The following PER3 variants were observed in gnomAD, a reference collection of about 807,000 sequenced individuals.
PER3 encodes the protein period circadian regulator 3.
In PER3, 107 loss-of-function variants were observed where a neutral mutation model predicts 127.2. That is an observed-to-expected ratio of 0.84 (90% CI 0.72 to 0.99). PER3 has a LOEUF of 0.99. PER3 is among the 50% of genes least tolerant of loss of function. The probability of loss-of-function intolerance (pLI) is 0.00; values close to 1 mark genes in which losing one functional copy is unlikely to be tolerated. For missense variants in PER3, 1,560 were observed against 1,525.8 expected (o/e 1.02, Z -0.37); for synonymous variants, 618 against 585.8 (o/e 1.05, Z -0.79).
chr1:7,828,404 A>T (rs1193414373), intron 18 of PER3, among the ~76,000 whole-genome samples: 1 of 152,192 alleles, frequency 6.6e-6, no homozygotes, highest in Non-Finnish European at 1.5e-5. Context: ...CTAAAAAGCC[A>T]TTCTCAGGTT....
At chr1:7,806,352 G>C (rs1330968040) in intron 10 of PER3, among the ~76,000 whole-genome samples, 6 of 152,084 alleles carry the variant, frequency 3.9e-5, no homozygotes, top group African/African-American at 1.4e-4. Flanking sequence ...TGAAAGTGGA[G>C]ACTGCAGCCA....
At chr1:7,805,302 G>A (rs1278387866) in intron 10 of PER3, among the ~76,000 whole-genome samples, 2 of 152,062 alleles carry the variant, frequency 1.3e-5, no homozygotes, top group African/African-American at 2.4e-5. Context: ...ATGTTTTTTG[G>A]TATCTTGTTA....
intron 6 of PER3, 141 bp from the exon 7 acceptor site, chr1:7,798,384 T>C (rs2097155243): frequency 1.5e-6 from 1 of 653,030 alleles, no homozygotes; most frequent in Non-Finnish European, 2.6e-6. Flanking sequence ...ATTCTTTCTT[T>C]TGAAAACAAA....
At chr1:7,789,140 A>AATATATATATGT (rs1553301247) in intron 5 of PER3, among the ~76,000 whole-genome samples, 1 of 133,160 alleles carries the variant, frequency 7.5e-6, no homozygotes, top group Non-Finnish European at 1.7e-5. Flanking sequence ...AGAGCTTTAA[A>AATATATATATGT]ATATATATAT....
intron 6 of PER3, among the ~76,000 whole-genome samples, chr1:7,796,362 A>G (rs2097145649): frequency 1.7e-5 from 2 of 120,196 alleles, no homozygotes; most frequent in Admixed American, 2.3e-4. Flanking sequence ...TGTGTCCCCC[A>G]AGCTGGAGTG....
intron 10 of PER3, among the ~76,000 whole-genome samples, chr1:7,807,463 G>A (rs956748569): frequency 6.6e-6 from 1 of 152,176 alleles, no homozygotes; most frequent in Non-Finnish European, 1.5e-5. Flanking sequence ...TTGGGAAACT[G>A]TTTCAGTTTT....
At chr1:7,803,663 T>C (rs202109100) in intron 9 of PER3, 29 bp from the exon 10 acceptor site, 590 of 1,399,680 alleles carry the variant, frequency 4.2e-4, no homozygotes, top group Non-Finnish European at 5.6e-4. Flanking sequence ...GTTAAGTAAA[T>C]CCTATTTTTG....
chr1:7,829,718 C>A, intron 18 of PER3, 116 bp from the exon 19 acceptor site: 1 of 800,058 alleles, frequency 1.2e-6, no homozygotes, highest in Non-Finnish European at 2.0e-6. Flanking sequence ...TATTTTTGGA[C>A]CTTGGTTGAC....
chr1:7,798,323 C>G (rs1298854270), intron 6 of PER3, among the ~76,000 whole-genome samples: 2 of 152,124 alleles, frequency 1.3e-5, no homozygotes, highest in African/African-American at 4.8e-5. Context: ...TAAGCCAGTT[C>G]TTTACACAAC....
Position 7,784,688 on chromosome 1 carries a change from T to G in PER3, c.-190T>G. On this transcript the variant is annotated 5_prime_UTR_variant, in exon 2 of 22. Coordinates refer to ENST00000377532, the MANE Select transcript of PER3 (RefSeq NM_001377275.1). ...CTGAAAGTCGAGCGAGCTCCGGGTT[T>G]TGAAAATGTTGGAGGGAAAAGCTCC... The G allele has an allele frequency of 1.9e-6, 1 of 520,404 alleles. No individual in the cohort carries two copies. Among genetic ancestry groups the G allele is most frequent in the Non-Finnish European group, 3.2e-6 (1 of 314,880 alleles). The allele number at this position is 520,404 out of a possible 1,614,324, so 32.2% of individuals were successfully genotyped here. A position where few individuals can be genotyped will look rare whatever the true frequency, so the allele number is the denominator to read the frequency against.
chr1:7,788,269 G>A lies in PER3; in HGVS notation c.592+23G>A, dbSNP rs377587257. ...GAGGTAACAGGACCAATGTTCAGATGTCTATCTTTCCTCATCAAGATCAGT... is the reference window on the plus strand; with the variant it reads ...GAGGTAACAGGACCAATGTTCAGATATCTATCTTTCCTCATCAAGATCAGT... On this transcript the variant is annotated intron_variant, in intron 5 of 21. Coordinates refer to ENST00000377532, the MANE Select transcript of PER3 (RefSeq NM_001377275.1). The A allele has an allele frequency of 2.5e-5, 37 of 1,508,168 alleles. 2 individuals carry two copies. In the African/African-American group the frequency reaches 3.1e-4, roughly 13 times the overall value. 93.4% of individuals were successfully genotyped at this position (1,508,168 alleles called of 1,614,324 possible).
intron 1 of PER3, 133 bp downstream of exon 1, chr1:7,784,509 GC>G (rs2097074890): frequency 6.1e-6 from 1 of 164,116 alleles, no homozygotes; most frequent in Non-Finnish European, 1.3e-5. Flanking sequence ...CGAGCCACCC[GC>G]CTCCCCGGGC....
In PER3 at chr1:7,844,022, C is replaced by A; in HGVS notation, c.*1267C>A. The A allele has an allele frequency of 9.3e-7, 1 of 1,078,712 alleles. No homozygotes were observed. The highest frequency in any genetic ancestry group is 1.7e-5 in the African/African-American group (1 of 58,130). 66.8% of individuals were successfully genotyped at this position (1,078,712 alleles called of 1,614,324 possible). A position where few individuals can be genotyped will look rare whatever the true frequency, so the allele number is the denominator to read the frequency against. On this transcript the variant is annotated 3_prime_UTR_variant, in exon 22 of 22. Transcript: ENST00000377532. ...CCTGTTGTCTTTATATAACTTGCAACAAACTAATTTATTTTTTTTTCCTTT... is the reference window on the plus strand; with the variant it reads ...CCTGTTGTCTTTATATAACTTGCAAAAAACTAATTTATTTTTTTTTCCTTT...
At chr1:7,810,341 C>A in intron 12 of PER3, 97 bp from the exon 13 acceptor site, 2 of 910,620 alleles carry the variant, frequency 2.2e-6, no homozygotes, top group Non-Finnish European at 3.4e-6. Context: ...GTCATTATAT[C>A]TTCAAAGAAA....
At chr1:7,832,834 C>G (rs2097339305) in intron 19 of PER3, among the ~76,000 whole-genome samples, 1 of 149,676 alleles carries the variant, frequency 6.7e-6, no homozygotes, top group South Asian at 2.1e-4. Context: ...TTGCATCCCT[C>G]AAATTTTTTT....
chr1:7,810,547 G>T lies in PER3; in HGVS notation c.1481G>T (p.Arg494Leu). Residue 494 changes from arginine (R) to leucine (L), a missense_variant, in exon 13 of 22, where the codon CGC becomes CTC. By Grantham distance (102) the Arg-to-Leu change is moderately radical (BLOSUM62 -2). Coordinates refer to ENST00000377532, the MANE Select transcript of PER3 (RefSeq NM_001377275.1). ...TCATTCAAGCCAGTGACGGGGACAC[G>T]CACAGAACCGAATGGTGGTGGTGAG... is the stretch of plus-strand genomic sequence containing the variant. The part of the protein sequence containing the change: ...KSSFKPVTGT[R>L]TEPNGGGESA... 1.9e-6 allele frequency: 3 copies of T among 1,613,350 alleles called. No homozygotes were observed. The highest frequency in any genetic ancestry group is 2.5e-6 in the Non-Finnish European group (3 of 1,179,830).
intron 5 of PER3, among the ~76,000 whole-genome samples, chr1:7,793,220 T>G (rs2097129859): frequency 6.6e-6 from 1 of 152,230 alleles, no homozygotes; most frequent in African/African-American, 2.4e-5. Context: ...CAGGAAGCTC[T>G]AATCAGAGGA....
Position 7,803,827 on chromosome 1 carries a change from T to C in PER3, c.1115T>C (p.Ile372Thr). The part of the protein sequence containing the change: ...NPWSRKISFI[I>T]GRHKVRTSPL... Reference sequence around the variant, plus strand: ...TGGAGCCGGAAGATTTCTTTCATCATTGGTCGGCATAAAGTTCGAACGTAA... The same window carrying C: ...TGGAGCCGGAAGATTTCTTTCATCACTGGTCGGCATAAAGTTCGAACGTAA... The change falls in exon 10 of 22, where the codon ATT (isoleucine) becomes ACT (threonine). Residue 372 changes from isoleucine (I) to threonine (T), a missense_variant. Transcript: ENST00000377532. 6.2e-7 allele frequency: 1 copy of C among 1,613,760 alleles called. No individual in the cohort carries two copies. The highest frequency in any genetic ancestry group is 8.5e-7 in the Non-Finnish European group (1 of 1,179,820).
At chr1:7,810,408 G>T in intron 12 of PER3, 30 bp from the exon 13 acceptor site, 1 of 1,509,814 alleles carries the variant, frequency 6.6e-7, no homozygotes, top group East Asian at 2.3e-5. Flanking sequence ...TATAATTTTT[G>T]AAACATATTT....
Sources: allele counts gnomAD v4.1 joint callset (sites outside exome capture counted in the v4.1 genomes callset), GRCh38; gene constraint gnomAD v4.1.1; transcripts MANE v1.5; gene names NCBI Gene and HGNC (gene_info 2026-07-23, HGNC 2026-07-21).